The following EPHA2 variants were observed in gnomAD, a reference collection of about 807,000 sequenced individuals.
EPHA2 encodes ephrin type-A receptor 2.
EPHA2 carries 54 observed loss-of-function variants against 104.9 expected under a neutral mutation model. The ratio of observed to expected loss-of-function variants is 0.51; its 90% confidence interval spans 0.41 to 0.65. EPHA2 has a LOEUF of 0.65. EPHA2 is among the 30% of genes least tolerant of loss of function. EPHA2 has a pLI of 0.00. For missense variants in EPHA2, 1,117 were observed against 1,369.5 expected, an observed-to-expected ratio of 0.82 and a Z score of 2.91; for synonymous variants, 560 against 559.1, an observed-to-expected ratio of 1.00 and a Z score of -0.02.
chr1:16,133,570 T>TG lies in EPHA2; in HGVS notation c.1774dup (p.His592ProfsTer4). 6.2e-7 allele frequency: 1 copy of TG among 1,613,990 alleles called. No individual in the cohort carries two copies. Among genetic ancestry groups the TG allele is most frequent in the South Asian group, 1.1e-5 (1 of 91,080 alleles). On this transcript the variant is annotated frameshift_variant, in exon 10 of 17. Transcript: ENST00000358432. LOFTEE classifies it high-confidence loss of function. ...AGCCTGGTTGGGGTCCTCATATGTG[T>TG]GGGGGTCCACGTATGTCTTCAGGGG...
Position 16,135,045 on chromosome 1 carries a change from G to T in EPHA2, c.1573C>A (p.Gln525Lys). Residue 525 changes from glutamine to lysine, a missense_variant, in exon 7 of 17, where the codon CAG (glutamine) becomes AAG (lysine). This residue lies in a region of EPHA2 where 664 missense variants were observed against 784.8 expected (regional missense o/e 0.85). Coordinates refer to ENST00000358432, the MANE Select transcript of EPHA2 (RefSeq NM_004431.5). This position sits in a 1 kb window ranked among gnomAD's most constrained non-coding sequence, Gnocchi z 4.3. Reference protein sequence around the residue: ...QGAGSKVHEFQTLSPEGSGNL... With the variant: ...QGAGSKVHEFKTLSPEGSGNL... ...GGGTCCCCCAACTCACACAGCGTCT[G>T]GAATTCGTGCACCTTGCTGCCGGCC... 1 of 1,612,816 alleles carries T rather than the reference G, an allele frequency of 6.2e-7. No homozygotes were observed. Among genetic ancestry groups the T allele is most frequent in the Non-Finnish European group, 8.5e-7 (1 of 1,180,022 alleles).
rs1329242907 is a variant in EPHA2 at position 16,150,861 on chromosome 1, T to A, written c.153+35A>T. 21 of 1,613,090 alleles carry A rather than the reference T, an allele frequency of 1.3e-5. No individual in the cohort carries two copies. The highest frequency in any genetic ancestry group is 1.8e-5 in the Non-Finnish European group (21 of 1,179,184). ...CTCTACAGGGGACCAGCAGCCCCAT[T>A]CTCACACCTCTCCCCACCCCGAAGG... On this transcript the variant is annotated intron_variant, in intron 2 of 16. Coordinates refer to ENST00000358432, the MANE Select transcript of EPHA2 (RefSeq NM_004431.5). The surrounding 1 kb of genome is among the most constrained non-coding windows in gnomAD (Gnocchi z 4.8).
intron 3 of EPHA2, among the ~76,000 whole-genome samples, chr1:16,140,766 C>T (rs1569582791): frequency 6.6e-6 from 1 of 152,148 alleles, no homozygotes; most frequent in African/African-American, 2.4e-5. Flanking sequence ...CTACAGGCAC[C>T]GGCCATCAAG....
At chr1:16,137,364 C>T (rs975233328) in intron 5 of EPHA2, among the ~76,000 whole-genome samples, 5 of 151,590 alleles carry the variant, frequency 3.3e-5, no homozygotes, top group Non-Finnish European at 5.9e-5. Context: ...TTTGGGAGGC[C>T]GAGGCGGGCG....
chr1:16,154,145 AC>A (rs1045764168), intron 1 of EPHA2, among the ~76,000 whole-genome samples: 3 of 150,680 alleles, frequency 2.0e-5, no homozygotes, highest in Non-Finnish European at 1.5e-5. Flanking sequence ...CTAATCCCCC[AC>A]CCCCCCATGG....
intron 1 of EPHA2, among the ~76,000 whole-genome samples, chr1:16,153,465 C>T (rs1429929489): frequency 6.6e-6 from 1 of 152,222 alleles, no homozygotes; most frequent in Non-Finnish European, 1.5e-5. Context: ...CTCTTCCCAT[C>T]AGCAGCACCC....
intron 3 of EPHA2, among the ~76,000 whole-genome samples, chr1:16,147,602 C>A (rs1326912491): frequency 2.0e-5 from 3 of 151,812 alleles, no homozygotes; most frequent in East Asian, 1.9e-4. Context: ...TGGGATGAAT[C>A]AAAAATAACA....
chr1:16,137,693 C>T (rs1416896672), intron 5 of EPHA2, among the ~76,000 whole-genome samples, 160 bp downstream of exon 5: 1 of 152,274 alleles, frequency 6.6e-6, no homozygotes, highest in Non-Finnish European at 1.5e-5. Context: ...GCTGGGGCCA[C>T]ATGTGGCCCA....
rs998083422 is a variant in EPHA2, at chr1:16,124,900, G to A, written c.*315C>T. The A allele has an allele frequency of 2.1e-5, 7 of 339,424 alleles. No homozygotes were observed. The South Asian group carries it at 2.4e-4, about 12-fold the overall frequency. The allele number at this position is 339,424 out of a possible 1,614,324, so 21.0% of individuals were successfully genotyped here. A position where few individuals can be genotyped will look rare whatever the true frequency, so the allele number is the denominator to read the frequency against. On this transcript the variant is annotated 3_prime_UTR_variant, in exon 17 of 17. Coordinates refer to ENST00000358432, the MANE Select transcript of EPHA2 (RefSeq NM_004431.5). ...TCATGTGGGAGAAGGCGGAGGGAAG[G>A]TCGGCTTGGGAATATCCCATATGTC...
Position 16,125,799 on chromosome 1 carries a change from C to T in EPHA2, c.2826-479G>A, listed in dbSNP as rs146980571. ...CACCCCTAGTCTGTTCCCAGTGCCC[C>T]CAGCTCAGGCCTCCTTCCCAGGAAC... On this transcript the variant is annotated intron_variant, in intron 16 of 16. Transcript: ENST00000358432. The surrounding 1 kb of genome is among the most constrained non-coding windows in gnomAD (Gnocchi z 4.9). Among the ~76,000 whole-genome samples the T allele has an allele frequency of 0.018, 2,686 of 152,118 alleles. 37 individuals carry two copies. The highest frequency in any genetic ancestry group is 0.04 in the South Asian group (194 of 4,812).
Position 16,148,616 on chromosome 1 carries a change from A to G in EPHA2, c.585T>C (p.Arg195=), listed in dbSNP as rs2024978380. The G allele has an allele frequency of 6.2e-7, 1 of 1,608,888 alleles. No homozygotes were observed. The highest frequency in any genetic ancestry group is 1.7e-5 in the Admixed American group (1 of 59,978). ...IGACVALLSV[R]VYYKKCPELL... is the part of the protein sequence containing the mutation. ...GCTCGGGGCACTTCTTGTAGTAGAC[A>G]CGGACGGAGAGCAGCGCCACACAGG... The change falls in exon 3 of 17, where the codon CGT becomes CGC. Residue 195 remains arginine, a synonymous_variant. Coordinates refer to ENST00000358432, the MANE Select transcript of EPHA2 (RefSeq NM_004431.5). This position sits in a 1 kb window ranked among gnomAD's most constrained non-coding sequence, Gnocchi z 4.9.
intron 3 of EPHA2, among the ~76,000 whole-genome samples, chr1:16,139,891 G>A (rs2124233998): frequency 6.6e-6 from 1 of 152,274 alleles, no homozygotes; most frequent in Non-Finnish European, 1.5e-5. Context: ...CTGCCGTCAG[G>A]AAAAATCTGT....
intron 3 of EPHA2, among the ~76,000 whole-genome samples, chr1:16,146,952 G>A (rs979809833): frequency 6.6e-6 from 1 of 152,202 alleles, no homozygotes; most frequent in Non-Finnish European, 1.5e-5. Flanking sequence ...TGTGTGCAAC[G>A]CAGCCACTAA....
intron 5 of EPHA2, among the ~76,000 whole-genome samples, chr1:16,136,713 A>AAGAAGAAGAAGAAG (rs1553135584): frequency 4.9e-5 from 5 of 102,734 alleles, no homozygotes; most frequent in African/African-American, 2.7e-4. Context: ...AAGAAGAAGA[A>AAGAAGAAGAAGAAG]AAGAAGAAGA....
chr1:16,151,829 G>A (rs2025043413), intron 1 of EPHA2, among the ~76,000 whole-genome samples: 1 of 152,190 alleles, frequency 6.6e-6, no homozygotes, highest in Non-Finnish European at 1.5e-5. Flanking sequence ...CCAGGTGTCA[G>A]GACCATCCTG....
chr1:16,136,769 A>AGAAGAAGAAGAAGAAGAAGAG (rs1161659446), intron 5 of EPHA2, among the ~76,000 whole-genome samples: 1 of 150,556 alleles, frequency 6.6e-6, no homozygotes, highest in Non-Finnish European at 1.5e-5. Context: ...AAGAAGAAGA[A>AGAAGAAGAAGAAGAAGAAGAG]GAAGAACTAA....
chr1:16,129,057 C>T (rs2024522134), intron 16 of EPHA2, among the ~76,000 whole-genome samples: 1 of 151,796 alleles, frequency 6.6e-6, no homozygotes, highest in Non-Finnish European at 1.5e-5. Flanking sequence ...GGTCACTGCA[C>T]TTCTCTGCAT....
Position 16,135,243 on chromosome 1 carries a change from C to A in EPHA2, c.1429-54G>T, listed in dbSNP as rs1036157818. The A allele has an allele frequency of 6.2e-6, 10 of 1,609,288 alleles. No homozygotes were observed. The highest frequency in any genetic ancestry group is 1.3e-5 in the African/African-American group (1 of 74,844). On this transcript the variant is annotated intron_variant, in intron 6 of 16. Coordinates refer to ENST00000358432, the MANE Select transcript of EPHA2 (RefSeq NM_004431.5). This position sits in a 1 kb window ranked among gnomAD's most constrained non-coding sequence, Gnocchi z 4.3. ...GGCAGTGAGGGCAGGGCAGGGGCCT[C>A]GGCTCAGCCCGCTGGAGACCACCCC...
chr1:16,141,276 AG>A (rs1248618757), intron 3 of EPHA2, among the ~76,000 whole-genome samples: 1 of 152,064 alleles, frequency 6.6e-6, no homozygotes, highest in African/African-American at 2.4e-5. Context: ...ACTCCAGCCC[AG>A]GGGGGTTGGT....
Sources: gnomAD v4.1 joint callset for allele counts (sites outside exome capture counted in the v4.1 genomes callset) on GRCh38, gnomAD v4.1.1 for gene constraint, gnomAD v4.1.1 regional missense constraint, Gnocchi (gnomAD v3.1) non-coding constraint, MANE v1.5 for transcripts, NCBI Gene and HGNC (gene_info 2026-07-23, HGNC 2026-07-21) for gene names.